The following GLRA3 variants were observed in gnomAD, a reference collection of about 807,000 sequenced individuals.
GLRA3 encodes glycine receptor alpha 3.
Under a neutral mutation model 60.4 loss-of-function variants are expected in GLRA3, and 44 were observed. The observed-to-expected ratio is 0.73, with a 90% CI of 0.57 to 0.94. The LOEUF is 0.94. Ranked by LOEUF, GLRA3 falls within the 40% of genes least tolerant of loss-of-function variation. The pLI is 0.00. For missense variants in GLRA3, 508 were observed against 564.6 expected, an observed-to-expected ratio of 0.90 and a Z score of 1.02; for synonymous variants, 223 against 192.9, an observed-to-expected ratio of 1.16 and a Z score of -1.29.
intron 3 of GLRA3, among the ~76,000 whole-genome samples, chr4:174,753,332 ACT>A: frequency 6.6e-6 from 1 of 152,186 alleles, no homozygotes; most frequent in African/African-American, 2.4e-5. Flanking sequence ...GTTAATATTA[ACT>A]CACACATCTG....
intron 1 of GLRA3, among the ~76,000 whole-genome samples, chr4:174,793,254 C>A (rs1210206606): frequency 1.3e-5 from 2 of 151,790 alleles, no homozygotes; most frequent in African/African-American, 4.8e-5. Context: ...TTTACTATAT[C>A]TTTGCTTTAA....
intron 1 of GLRA3, among the ~76,000 whole-genome samples, chr4:174,818,268 G>C (rs1948054): frequency 0.46 from 70,334 of 151,966 alleles, 16,998 homozygotes; most frequent in African/African-American, 0.55. Context: ...ATATATCTTG[G>C]CTTTTTACTA....
At chr4:174,716,624 T>C (rs1378013745) in intron 4 of GLRA3, among the ~76,000 whole-genome samples, 1 of 152,160 alleles carries the variant, frequency 6.6e-6, no homozygotes, top group Non-Finnish European at 1.5e-5. Context: ...TTAGTTTACT[T>C]AAACTTCGTG....
intron 3 of GLRA3, among the ~76,000 whole-genome samples, chr4:174,732,617 A>T (rs1325068915): frequency 3.3e-5 from 5 of 152,114 alleles, no homozygotes; most frequent in Non-Finnish European, 1.5e-5. Flanking sequence ...AATAAAATCA[A>T]ATACCTAGTA....
At chr4:174,805,849 T>C (rs772529454) in intron 1 of GLRA3, among the ~76,000 whole-genome samples, 5 of 152,166 alleles carry the variant, frequency 3.3e-5, no homozygotes, top group Non-Finnish European at 7.4e-5. Flanking sequence ...AATGAGGAAA[T>C]GTTTCAGTGA....
chr4:174,691,833 G>C (rs1425898117), intron 5 of GLRA3, among the ~76,000 whole-genome samples: 1 of 151,994 alleles, frequency 6.6e-6, no homozygotes, highest in Non-Finnish European at 1.5e-5. Flanking sequence ...GAAGTGAGGA[G>C]CGTCTCTGCC....
intron 3 of GLRA3, among the ~76,000 whole-genome samples, chr4:174,750,274 T>C (rs1340173127): frequency 6.6e-6 from 1 of 152,164 alleles, no homozygotes; most frequent in African/African-American, 2.4e-5. Flanking sequence ...ACAGAGATTC[T>C]AGATGCTGTG....
At chr4:174,785,881 T>C (rs1010061847) in intron 2 of GLRA3, among the ~76,000 whole-genome samples, 3 of 151,252 alleles carry the variant, frequency 2.0e-5, no homozygotes, top group Non-Finnish European at 4.4e-5. Context: ...GTAATCCTCC[T>C]GCCTCAGCCT....
intron 1 of GLRA3, among the ~76,000 whole-genome samples, chr4:174,790,843 A>AAAG (rs1739314953): frequency 6.8e-6 from 1 of 147,974 alleles, no homozygotes; most frequent in African/African-American, 2.5e-5. Context: ...AAAAAAAAAA[A>AAAG]AAAGAAAGAA....
At chr4:174,784,125 A>G (rs1406184286) in intron 2 of GLRA3, among the ~76,000 whole-genome samples, 1 of 141,666 alleles carries the variant, frequency 7.1e-6, no homozygotes, top group Admixed American at 7.2e-5. Context: ...TACACCATGG[A>G]ATACTATGCA....
intron 3 of GLRA3, among the ~76,000 whole-genome samples, chr4:174,737,477 TC>T (rs1218804999): frequency 6.6e-6 from 1 of 152,206 alleles, no homozygotes; most frequent in Non-Finnish European, 1.5e-5. Flanking sequence ...ATAATTATTT[TC>T]AAATTTTTCT....
At chr4:174,825,300 T>C (rs2111408375) in intron 1 of GLRA3, among the ~76,000 whole-genome samples, 1 of 152,216 alleles carries the variant, frequency 6.6e-6, no homozygotes, top group Non-Finnish European at 1.5e-5. Context: ...TTAAAAAGGA[T>C]TCCTCTCATC....
intron 9 of GLRA3, among the ~76,000 whole-genome samples, chr4:174,654,300 A>G (rs1733119523): frequency 1.3e-5 from 2 of 152,146 alleles, no homozygotes; most frequent in South Asian, 4.1e-4. Context: ...TCAATTATTT[A>G]TTATCCTTAG....
At chr4:174,778,903 C>A (rs1438882560) in intron 2 of GLRA3, among the ~76,000 whole-genome samples, 1 of 152,214 alleles carries the variant, frequency 6.6e-6, no homozygotes, top group Non-Finnish European at 1.5e-5. Context: ...GAGGGGCGCC[C>A]GCCATTGCCC....
At chr4:174,698,639 T>C (rs890175593) in intron 5 of GLRA3, among the ~76,000 whole-genome samples, 1 of 152,188 alleles carries the variant, frequency 6.6e-6, no homozygotes, top group Admixed American at 6.5e-5. Context: ...GCTGGAAGCA[T>C]TTGAAGAGTA....
At position 174,715,479 on chromosome 4, in the gene GLRA3, C is replaced by A; in HGVS notation, c.574+9G>T. 7.5e-7 allele frequency: 1 copy of A among 1,340,204 alleles called. No individual in the cohort carries two copies. Among genetic ancestry groups the A allele is most frequent in the South Asian group, 1.2e-5 (1 of 81,056 alleles). 83.0% of individuals were successfully genotyped at this position (1,340,204 alleles called of 1,614,324 possible). A position where few individuals can be genotyped will look rare whatever the true frequency, so the allele number is the denominator to read the frequency against. ...AAAGTATTTTAAAAAGTAAGTGGTTCATACTTACAGCTTTCCAGTTGCATT... is the reference window on the plus strand; with the variant it reads ...AAAGTATTTTAAAAAGTAAGTGGTTAATACTTACAGCTTTCCAGTTGCATT... On this transcript the variant is annotated intron_variant, in intron 5 of 9. Coordinates refer to ENST00000274093, the MANE Select transcript of GLRA3 (RefSeq NM_006529.4).
At chr4:174,711,563 C>A (rs182983935) in intron 5 of GLRA3, among the ~76,000 whole-genome samples, 1 of 151,954 alleles carries the variant, frequency 6.6e-6, no homozygotes, top group Non-Finnish European at 1.5e-5. Flanking sequence ...CCTCAGCCAC[C>A]CGAGCAGCTG....
chr4:174,693,227 T>C (rs758247139), intron 5 of GLRA3, among the ~76,000 whole-genome samples: 16 of 152,240 alleles, frequency 1.1e-4, no homozygotes, highest in Non-Finnish European at 2.2e-4. Context: ...CATGAAATCT[T>C]TGTCCATTTT....
intron 2 of GLRA3, 76 bp downstream of exon 2, chr4:174,788,740 G>A (rs1198057714): frequency 1.1e-6 from 1 of 928,480 alleles, no homozygotes; most frequent in Non-Finnish European, 1.5e-6. Context: ...AGAATTTCTG[G>A]TGGAATTAAT....
Sources: allele counts gnomAD v4.1 joint callset (sites outside exome capture counted in the v4.1 genomes callset), GRCh38; gene constraint gnomAD v4.1.1; transcripts MANE v1.5; gene names NCBI Gene and HGNC (gene_info 2026-07-23, HGNC 2026-07-21).